Variants in STOML2 observed in about 807,000 individuals in gnomAD.
STOML2 encodes the protein stomatin-like protein 2, mitochondrial.
Under a neutral mutation model 45.7 loss-of-function variants are expected in STOML2, and 22 were observed. That is an observed-to-expected ratio of 0.48 (90% CI 0.34 to 0.69). STOML2 has a LOEUF of 0.69. STOML2 is among the 30% of genes least tolerant of loss of function. The probability of loss-of-function intolerance (pLI) is 0.01; values close to 1 mark genes in which losing one functional copy is unlikely to be tolerated. For missense variants in STOML2, 359 were observed against 466.9 expected, an observed-to-expected ratio of 0.77 and a Z score of 2.13; for synonymous variants, 181 against 182.7, an observed-to-expected ratio of 0.99 and a Z score of 0.08.
upstream of STOML2, chr9:35,103,132 G>A (rs753217201): frequency 1.9e-6 from 3 of 1,609,432 alleles, no homozygotes; most frequent in African/African-American, 1.3e-5. Context: ...CCAACGAGAC[G>A]AGCGGAGCGG....
At position 35,102,421 on chromosome 9, in the gene STOML2, G is replaced by C. The variant is rs1441868001; in HGVS notation, c.184-227C>G. The C allele has an allele frequency of 4.6e-6, 3 of 656,908 alleles. No homozygotes were observed. The highest frequency in any genetic ancestry group is 5.9e-5 in the Admixed American group (2 of 34,004). 40.7% of individuals were successfully genotyped at this position (656,908 alleles called of 1,614,324 possible). On this transcript the variant is annotated intron_variant, in intron 2 of 9. Coordinates refer to ENST00000356493, the MANE Select transcript of STOML2 (RefSeq NM_013442.3). This position sits in a 1 kb window ranked among gnomAD's most constrained non-coding sequence, Gnocchi z 4.8. Reference sequence around the variant, plus strand: ...ATGGAGGGGAGAGTCATGAGAATCGGAGCCAGCAGAATAGCCATCTCTATG... The same window carrying C: ...ATGGAGGGGAGAGTCATGAGAATCGCAGCCAGCAGAATAGCCATCTCTATG...
Position 35,102,005 on chromosome 9 carries a change from G to T in STOML2, c.284-43C>A, listed in dbSNP as rs1465976035. 1 of 1,613,432 alleles carries T rather than the reference G, an allele frequency of 6.2e-7. No individual in the cohort carries two copies. The highest frequency in any genetic ancestry group is 8.5e-7 in the Non-Finnish European group (1 of 1,179,454). ...AAAACGGGGAAAGTCAGGCCTCTAG[G>T]TCCCAACCAGTTCTTTCTACTAAGC... On this transcript the variant is annotated intron_variant, in intron 3 of 9. Transcript: ENST00000356493. This position sits in a 1 kb window ranked among gnomAD's most constrained non-coding sequence, Gnocchi z 4.8.
At chr9:35,100,815 A>C in intron 8 of STOML2, 89 bp from the exon 9 acceptor site, 1 of 1,612,062 alleles carries the variant, frequency 6.2e-7, no homozygotes, top group Non-Finnish European at 8.5e-7. Context: ...CACAATAAAA[A>C]GGACCATGTA....
upstream of STOML2, chr9:35,103,135 C>A (rs1033050703): frequency 5.6e-6 from 9 of 1,608,234 alleles, no homozygotes; most frequent in African/African-American, 1.3e-5. Flanking sequence ...ACGAGACGAG[C>A]GGAGCGGTCG....
chr9:35,101,352 A>C lies in STOML2; in HGVS notation c.580-73T>G, dbSNP rs539393597. On this transcript the variant is annotated intron_variant, in intron 6 of 9. Transcript: ENST00000356493. This position sits in a 1 kb window ranked among gnomAD's most constrained non-coding sequence, Gnocchi z 4.3. ...CAGACATGCAACTCTACCCATCATA[A>C]CAGGAGGGAAGTCTGGATCCTCCTG... 30 of 1,611,372 alleles carry C rather than the reference A, an allele frequency of 1.9e-5. No individual in the cohort carries two copies. The East Asian group carries it at 6.3e-4, about 34-fold the overall frequency.
rs1442826006 is a variant in STOML2, at chr9:35,100,645, T to C, written c.886A>G (p.Ile296Val). ...FSKLAKDSNT[I>V]LLPSNPGDVT... ...TCGCCAGGGTTGGAGGGCAGTAGGA[T>C]AGTGTTGGAGTCCTTGGCCAGTTTG... is the stretch of plus-strand genomic sequence containing the variant. The change falls in exon 9 of 10, where the codon ATC (isoleucine) becomes GTC (valine). Residue 296 changes from isoleucine to valine, a missense_variant. Coordinates refer to ENST00000356493, the MANE Select transcript of STOML2 (RefSeq NM_013442.3). The C allele has an allele frequency of 6.2e-7, 1 of 1,614,000 alleles. No homozygotes were observed. The highest frequency in any genetic ancestry group is 1.7e-5 in the Admixed American group (1 of 60,008).
Position 35,102,800 on chromosome 9 carries a change from G to T in STOML2, c.69C>A (p.Arg23=). The change falls in exon 2 of 10, where the codon CGC becomes CGA. Residue 23 remains arginine, a synonymous_variant. Transcript: ENST00000356493. The surrounding 1 kb of genome is among the most constrained non-coding windows in gnomAD (Gnocchi z 4.8). ...LLRGSLLASG[R]APRRASSGLP... is the part of the protein sequence containing the mutation. ...ATCCAGAGGAGGCGCGGCGCGGAGCGCGGCCAGAAGCCAGTAGAGAGCCCT... is the reference window on the plus strand; with the variant it reads ...ATCCAGAGGAGGCGCGGCGCGGAGCTCGGCCAGAAGCCAGTAGAGAGCCCT... 1.2e-6 allele frequency: 2 copies of T among 1,613,910 alleles called. No homozygotes were observed. The highest frequency in any genetic ancestry group is 1.7e-6 in the Non-Finnish European group (2 of 1,179,908).
Position 35,101,692 on chromosome 9 carries a change from T to C in STOML2, c.444+18A>G. Reference sequence around the variant, plus strand: ...GGTTTGTGTCTTCAAACCCTAACTCTGGCTCAGATCTGCTTACCCGGAAGA... The same window carrying C: ...GGTTTGTGTCTTCAAACCCTAACTCCGGCTCAGATCTGCTTACCCGGAAGA... On this transcript the variant is annotated intron_variant, in intron 5 of 9. Coordinates refer to ENST00000356493, the MANE Select transcript of STOML2 (RefSeq NM_013442.3). The surrounding 1 kb of genome is among the most constrained non-coding windows in gnomAD (Gnocchi z 4.3). 1 of 1,614,164 alleles carries C rather than the reference T, an allele frequency of 6.2e-7. No individual in the cohort carries two copies. Among genetic ancestry groups the C allele is most frequent in the African/African-American group, 1.3e-5 (1 of 75,042 alleles).
rs1587188413 is a variant in STOML2 at position 35,099,901 on chromosome 9, G to A, written c.*134C>T. On this transcript the variant is annotated 3_prime_UTR_variant, in exon 10 of 10. Coordinates refer to ENST00000356493, the MANE Select transcript of STOML2 (RefSeq NM_013442.3). Reference sequence around the variant, plus strand: ...AATCAAAGAGGACAGTTTCTGGTTTGCCACTGGTGAGTTTATTACACGACT... The same window carrying A: ...AATCAAAGAGGACAGTTTCTGGTTTACCACTGGTGAGTTTATTACACGACT... The A allele has an allele frequency of 6.7e-6, 7 of 1,050,478 alleles. No homozygotes were observed. The East Asian group carries it at 1.4e-4, about 22-fold the overall frequency. 65.1% of individuals were successfully genotyped at this position (1,050,478 alleles called of 1,614,324 possible).
chr9:35,102,463 G>A lies in STOML2; in HGVS notation c.183+223C>T. 5 of 729,480 alleles carry A rather than the reference G, an allele frequency of 6.9e-6. No individual in the cohort carries two copies. The South Asian group carries it at 9.2e-5, about 13-fold the overall frequency. The allele number at this position is 729,480 out of a possible 1,614,324, so 45.2% of individuals were successfully genotyped here. On this transcript the variant is annotated intron_variant, in intron 2 of 9. Transcript: ENST00000356493. This position sits in a 1 kb window ranked among gnomAD's most constrained non-coding sequence, Gnocchi z 4.8. ...ATCTCTATGCAGACTGAGAGGTAGG[G>A]CTGAGAGTGGGCAGGGGAGATTCCC...
chr9:35,103,065 C>A lies in STOML2; in HGVS notation c.30G>T (p.Gly10=), dbSNP rs760746625. The change falls in exon 1 of 10, where the codon GGG becomes GGT. Residue 10 remains glycine, a synonymous_variant. Transcript: ENST00000356493. MLARAARGT[G]ALLLRGSLLA... ...TCGCTCTCACCCTCAGCAAAAGGGC[C>A]CCAGTGCCCCGCGCCGCGCGCGCCA... is the stretch of plus-strand genomic sequence containing the variant. 40 of 1,613,934 alleles carry A rather than the reference C, an allele frequency of 2.5e-5. 1 individual carries two copies. In the East Asian group the frequency reaches 8.7e-4, roughly 35 times the overall value.
intron 8 of STOML2, 62 bp from the exon 9 acceptor site, chr9:35,100,788 G>A: frequency 6.2e-7 from 1 of 1,613,340 alleles, no homozygotes; most frequent in Non-Finnish European, 8.5e-7. Context: ...GGGGGATGGG[G>A]AATGAAGAAA....
Position 35,101,393 on chromosome 9 carries a change from G to GGGAA in STOML2, c.579+32_579+33insTTCC, listed in dbSNP as rs771078116. 394 of 1,613,800 alleles carry GGGAA rather than the reference G, an allele frequency of 2.4e-4. No homozygotes were observed. Among genetic ancestry groups the GGGAA allele is most frequent in the Non-Finnish European group, 3.2e-4 (376 of 1,179,852 alleles). Reference sequence around the variant, plus strand: ...GATCCTCCTGGTACTGGAGCACCCTGAGGCCCTTTTCCCACCCCTCCTTGG... The same window carrying GGGAA: ...GATCCTCCTGGTACTGGAGCACCCTGGGAAAGGCCCTTTTCCCACCCCTCCTTGG... On this transcript the variant is annotated intron_variant, in intron 6 of 9. Coordinates refer to ENST00000356493, the MANE Select transcript of STOML2 (RefSeq NM_013442.3). The surrounding 1 kb of genome is among the most constrained non-coding windows in gnomAD (Gnocchi z 4.3).
chr9:35,103,108 A>T lies in STOML2; in HGVS notation c.-14T>A. The T allele has an allele frequency of 6.2e-7, 1 of 1,612,566 alleles. No homozygotes were observed. Among genetic ancestry groups the T allele is most frequent in the South Asian group, 1.1e-5 (1 of 91,002 alleles). ...GCGCGCCAGCATTTCCCACCGCCGC[A>T]GCGACCTCCGGAACCAACGAGACGA... On this transcript the variant is annotated 5_prime_UTR_variant, in exon 1 of 10. Transcript: ENST00000356493.
Position 35,102,819 on chromosome 9 carries a change from G to A in STOML2, c.50C>T (p.Ser17Phe). ...CGGAGCGCGGCCAGAAGCCAGTAGA[G>A]AGCCCTGAAGGAAAGAAGAGGGTGA... ...RGTGALLLRG[S>F]LLASGRAPRR... Residue 17 changes from serine (S) to phenylalanine (F), a missense_variant, in exon 2 of 10, where the codon TCT (serine) becomes TTT (phenylalanine). Ser to Phe is a radical substitution (Grantham distance 155). Around this residue, in one of 2 missense-constraint regions of STOML2, gnomAD observed 74 missense variants for 45.0 expected, o/e 1.65. Transcript: ENST00000356493. This position sits in a 1 kb window ranked among gnomAD's most constrained non-coding sequence, Gnocchi z 4.8. 8 of 1,613,960 alleles carry A rather than the reference G, an allele frequency of 5.0e-6. 1 individual carries two copies. Among genetic ancestry groups the A allele is most frequent in the Non-Finnish European group, 5.1e-6 (6 of 1,179,942 alleles).
At position 35,101,958 on chromosome 9, in the gene STOML2, A is replaced by G; in HGVS notation, c.288T>C (p.Asn96=). Residue 96 remains asparagine, a synonymous_variant, in exon 4 of 10, where the codon AAT becomes AAC. Transcript: ENST00000356493. This position sits in a 1 kb window ranked among gnomAD's most constrained non-coding sequence, Gnocchi z 4.3. ...VPEQSAVTLD[N]VTLQIDGVLY... ...GGACTCCATCGATTTGCAGAGTTACATTGTCTGTAGAACCAGGAGAGAAAA... is the reference window on the plus strand; with the variant it reads ...GGACTCCATCGATTTGCAGAGTTACGTTGTCTGTAGAACCAGGAGAGAAAA... The G allele has an allele frequency of 1.9e-6, 3 of 1,614,152 alleles. No homozygotes were observed. Among genetic ancestry groups the G allele is most frequent in the South Asian group, 1.1e-5 (1 of 91,084 alleles).
chr9:35,101,549 G>A lies in STOML2; in HGVS notation c.456C>T (p.Ser152=). The A allele has an allele frequency of 6.2e-7, 1 of 1,614,006 alleles. No homozygotes were observed. The highest frequency in any genetic ancestry group is 8.5e-7 in the Non-Finnish European group (1 of 1,180,024). The change falls in exon 6 of 10, where the codon TCC becomes TCT. Residue 152 remains serine (S), a synonymous_variant. Coordinates refer to ENST00000356493, the MANE Select transcript of STOML2 (RefSeq NM_013442.3). The surrounding 1 kb of genome is among the most constrained non-coding windows in gnomAD (Gnocchi z 4.3). ...TGGCATCCACAATGCTGGCATTCAG[G>A]GACTCCCGTTCCTGGAAAAAGAGGT... The part of the protein sequence containing the change: ...SLDKVFRERE[S]LNASIVDAIN...
Position 35,103,107 on chromosome 9 carries a change from C to T in STOML2, c.-13G>A. 6.2e-7 allele frequency: 1 copy of T among 1,612,920 alleles called. No homozygotes were observed. The highest frequency in any genetic ancestry group is 8.5e-7 in the Non-Finnish European group (1 of 1,179,898). On this transcript the variant is annotated 5_prime_UTR_variant, in exon 1 of 10. Coordinates refer to ENST00000356493, the MANE Select transcript of STOML2 (RefSeq NM_013442.3). Reference sequence around the variant, plus strand: ...CGCGCGCCAGCATTTCCCACCGCCGCAGCGACCTCCGGAACCAACGAGACG... The same window carrying T: ...CGCGCGCCAGCATTTCCCACCGCCGTAGCGACCTCCGGAACCAACGAGACG...
Position 35,101,208 on chromosome 9 carries a change from C to T in STOML2, c.651G>A (p.Val217=), listed in dbSNP as rs1250797895. ...SEGTRESAIN[V]AEGKKQAQIL... ...TCTGGGCCTGTTTCTTCCCTTCTGC[C>T]ACATTGATGGCCGACTCTCGGGTCC... Residue 217 remains valine, a synonymous_variant, in exon 7 of 10, where the codon GTG becomes GTA. Coordinates refer to ENST00000356493, the MANE Select transcript of STOML2 (RefSeq NM_013442.3). This position sits in a 1 kb window ranked among gnomAD's most constrained non-coding sequence, Gnocchi z 4.3. 2 of 1,614,218 alleles carry T rather than the reference C, an allele frequency of 1.2e-6. No individual in the cohort carries two copies. Among genetic ancestry groups the T allele is most frequent in the Admixed American group, 3.3e-5 (2 of 60,028 alleles).
Sources: gnomAD v4.1 joint callset for allele counts on GRCh38, gnomAD v4.1.1 for gene constraint, gnomAD v4.1.1 regional missense constraint, Gnocchi (gnomAD v3.1) non-coding constraint, MANE v1.5 for transcripts, NCBI Gene and HGNC (gene_info 2026-07-23, HGNC 2026-07-21) for gene names.